The following CNIH3 variants were observed in gnomAD, a reference collection of about 807,000 sequenced individuals.
CNIH3 encodes the protein cornichon family AMPA receptor auxiliary protein 3.
In CNIH3, 14 loss-of-function variants were observed where a neutral mutation model predicts 24.1. The observed-to-expected ratio is 0.58, with a 90% CI of 0.38 to 0.91. The LOEUF is 0.91. CNIH3 is among the 40% of genes least tolerant of loss of function. The pLI, the probability that CNIH3 is intolerant of heterozygous loss-of-function variation, is 0.00. For synonymous variants in CNIH3, 68 were observed against 73.8 expected (o/e 0.92, Z 0.40); for missense variants, 178 against 196.8 (o/e 0.90, Z 0.57).
chr1:224,727,640 C>G (rs1358857821), intron 3 of CNIH3, among the ~76,000 whole-genome samples: 1 of 152,162 alleles, frequency 6.6e-6, no homozygotes, highest in African/African-American at 2.4e-5. Flanking sequence ...GTGCAGGCCT[C>G]ATGCAAATGG....
chr1:224,614,051 G>GT (rs1430512601), upstream of CNIH3, among the ~76,000 whole-genome samples: 1 of 151,932 alleles, frequency 6.6e-6, no homozygotes, highest in Non-Finnish European at 1.5e-5. Context: ...GCTAATTTTT[G>GT]TATTTTTTGT....
Position 224,684,494 on chromosome 1 carries a change from A to G in CNIH3, c.151-302A>G, listed in dbSNP as rs1232471970. 6.6e-6 allele frequency among the ~76,000 whole-genome samples: 1 copy of G among 152,200 alleles called. No homozygotes were observed. The highest frequency in any genetic ancestry group is 1.5e-5 in the Non-Finnish European group (1 of 68,028). ...GTTTGACCACCTTATACGTACATGG[A>G]GGCTGAGAGAGACTTTGTAGATAAA... On this transcript the variant is annotated intron_variant, in intron 2 of 5. Coordinates refer to ENST00000272133, the MANE Select transcript of CNIH3 (RefSeq NM_152495.2). This position sits in a 1 kb window ranked among gnomAD's most constrained non-coding sequence, Gnocchi z 4.2.
chr1:224,621,119 A>G (rs1459783095), intron 1 of CNIH3, among the ~76,000 whole-genome samples: 1 of 152,248 alleles, frequency 6.6e-6, no homozygotes, highest in African/African-American at 2.4e-5. Flanking sequence ...CAATTTACAA[A>G]TAAAATTAAT....
chr1:224,608,302 A>G (rs1558205931), intron 3 of CNIH3, among the ~76,000 whole-genome samples: 1 of 152,182 alleles, frequency 6.6e-6, no homozygotes, highest in Non-Finnish European at 1.5e-5. Context: ...TTGTAGCAGG[A>G]CTAGCCACAG....
chr1:224,621,530 C>T (rs1461841824), intron 1 of CNIH3, among the ~76,000 whole-genome samples: 2 of 152,196 alleles, frequency 1.3e-5, no homozygotes, highest in African/African-American at 4.8e-5. Context: ...ACTTGTGATG[C>T]CCCTGTCCGT....
intron 1 of CNIH3, among the ~76,000 whole-genome samples, chr1:224,665,865 T>C (rs1296315488): frequency 6.6e-6 from 1 of 150,922 alleles, no homozygotes; most frequent in African/African-American, 2.4e-5. Context: ...GTCTGTAGGT[T>C]CCCGAGGAGC....
intron 1 of CNIH3, among the ~76,000 whole-genome samples, chr1:224,474,181 G>A (rs951218893): frequency 4.6e-5 from 7 of 151,892 alleles, no homozygotes; most frequent in South Asian, 2.1e-4. Flanking sequence ...CCTGACCAAC[G>A]TGGAGAAACC....
chr1:224,536,943 G>T (rs1044571053), exon 3 of CNIH3: 2 of 152,208 alleles, frequency 1.3e-5, no homozygotes, highest in African/African-American at 4.8e-5. Context: ...CAGGATTGTG[G>T]TGAGGAGCAA....
chr1:224,527,579 A>AT (rs1678893754), intron 2 of CNIH3, among the ~76,000 whole-genome samples: 2 of 152,184 alleles, frequency 1.3e-5, no homozygotes, highest in Admixed American at 1.3e-4. Context: ...GCACAACATG[A>AT]TTTTACTAAA....
At chr1:224,622,920 G>A (rs997152280) in intron 1 of CNIH3, among the ~76,000 whole-genome samples, 1 of 152,154 alleles carries the variant, frequency 6.6e-6, no homozygotes, top group African/African-American at 2.4e-5. Flanking sequence ...GTTCCTCTGG[G>A]GCCTTATTCT....
chr1:224,470,298 A>G (rs942509221), intron 1 of CNIH3, among the ~76,000 whole-genome samples: 13 of 148,198 alleles, frequency 8.8e-5, no homozygotes, highest in Non-Finnish European at 1.8e-4. Flanking sequence ...GATTACAGGC[A>G]TGAGCCACTG....
chr1:224,647,695 GC>G (rs1287457407), intron 1 of CNIH3, among the ~76,000 whole-genome samples: 1 of 152,360 alleles, frequency 6.6e-6, no homozygotes. Flanking sequence ...CTGGGACAGA[GC>G]CAAGGATGTG....
intron 1 of CNIH3, among the ~76,000 whole-genome samples, chr1:224,674,250 C>A (rs1049186593): frequency 1.9e-5 from 2 of 106,944 alleles, no homozygotes; most frequent in African/African-American, 7.3e-5. Context: ...ACATTTCAAT[C>A]GTTTCTTCAT....
rs570020922 is a variant in CNIH3, at chr1:224,464,790, T to C, written n.203+29928T>C. 6.1e-4 allele frequency among the ~76,000 whole-genome samples: 93 copies of C among 152,296 alleles called. 1 individual carries two copies. The highest frequency in any genetic ancestry group is 2.1e-3 in the African/African-American group (88 of 41,564). On this transcript the variant is annotated intron_variant and non_coding_transcript_variant, in intron 1 of 5. Coordinates refer to the CNIH3 transcript ENST00000471578. The stretch of plus-strand genomic sequence containing the variant: ...GCTGTATTCTTCTTTTTTTTAAAGA[T>C]TTTATTTCATTTTATTTTATTTAAA...
intron 1 of CNIH3, among the ~76,000 whole-genome samples, chr1:224,471,294 T>C (rs1676358487): frequency 6.6e-6 from 1 of 152,192 alleles, no homozygotes; most frequent in Admixed American, 6.5e-5. Context: ...CCTCCCAAGG[T>C]GCTGGGATTC....
chr1:224,559,720 CAATT>C (rs2124981042), intron 3 of CNIH3, among the ~76,000 whole-genome samples: 1 of 152,170 alleles, frequency 6.6e-6, no homozygotes, highest in East Asian at 1.9e-4. Context: ...AAATATAACA[CAATT>C]AAGATAAATG....
chr1:224,730,086 A>G (rs569475760), intron 3 of CNIH3, among the ~76,000 whole-genome samples: 1 of 152,328 alleles, frequency 6.6e-6, no homozygotes, highest in South Asian at 2.1e-4. Flanking sequence ...TGGATTCATT[A>G]GAAACCCTTG....
chr1:224,729,412 CAAAAAAAAAAA>C (rs1184318000), intron 3 of CNIH3, among the ~76,000 whole-genome samples: 1 of 44,594 alleles, frequency 2.2e-5, no homozygotes, highest in Admixed American at 2.5e-4. Flanking sequence ...ACTATGTCTC[CAAAAAAAAAAA>C]AAAAAAAAAA....
intron 1 of CNIH3, among the ~76,000 whole-genome samples, chr1:224,671,032 G>A (rs1685839386): frequency 6.6e-6 from 1 of 152,258 alleles, no homozygotes; most frequent in South Asian, 2.1e-4. Flanking sequence ...CCGAGCAAGA[G>A]GGAATTCTGT....
Sources: allele counts gnomAD v4.1 joint callset (sites outside exome capture counted in the v4.1 genomes callset), GRCh38; gene constraint gnomAD v4.1.1; non-coding constraint Gnocchi (gnomAD v3.1); transcripts MANE v1.5; gene names NCBI Gene and HGNC (gene_info 2026-07-23, HGNC 2026-07-21).